DPYSL5: variants seen among roughly 807,000 people sequenced by gnomAD.
DPYSL5 encodes dihydropyrimidinase-related protein 5.
DPYSL5 carries 9 observed loss-of-function variants against 58.4 expected under a neutral mutation model. The ratio of observed to expected loss-of-function variants is 0.15; its 90% CI spans 0.09 to 0.27. The LOEUF is 0.27. Ranked by LOEUF, DPYSL5 falls within the 10% of genes least tolerant of loss-of-function variation. The pLI, the probability that DPYSL5 is intolerant of heterozygous loss-of-function variation, is 1.00. For synonymous variants in DPYSL5, 293 were observed against 301.9 expected (o/e 0.97, Z 0.31); for missense variants, 499 against 770.6 (o/e 0.65, Z 4.17).
intron 1 of DPYSL5, among the ~76,000 whole-genome samples, chr2:26,891,283 A>G (rs1475114718): frequency 6.6e-6 from 1 of 152,198 alleles, no homozygotes; most frequent in East Asian, 1.9e-4. Context: ...AGTTAGCATT[A>G]TTAATAGAGT....
rs1368557429 is a variant in DPYSL5 at position 26,925,939 on chromosome 2, C to CA, written c.420+899dup. On this transcript the variant is annotated intron_variant, in intron 3 of 12. Transcript: ENST00000288699. The surrounding 1 kb of genome is among the most constrained non-coding windows in gnomAD (Gnocchi z 4.5). ...CAGGAACTGCCTCTTCATTTTCCGT[C>CA]AAAAACCCACTTGTAACTGCTGCTA... is the stretch of plus-strand genomic sequence containing the variant. Among the ~76,000 whole-genome samples the CA allele has an allele frequency of 1.3e-5, 2 of 152,208 alleles. No homozygotes were observed. Among genetic ancestry groups the CA allele is most frequent in the Admixed American group, 1.3e-4 (2 of 15,282 alleles).
chr2:26,869,827 C>T (rs1274314454), intron 1 of DPYSL5, among the ~76,000 whole-genome samples: 13 of 151,962 alleles, frequency 8.6e-5, no homozygotes, highest in South Asian at 2.1e-4. Flanking sequence ...CTGGCTAACA[C>T]GGTGAAATGC....
At chr2:26,895,605 T>C (rs1663991171) in intron 1 of DPYSL5, among the ~76,000 whole-genome samples, 1 of 152,058 alleles carries the variant, frequency 6.6e-6, no homozygotes, top group Non-Finnish European at 1.5e-5. Flanking sequence ...ACTCAAAGCA[T>C]TTTTCAAGAA....
chr2:26,910,354 G>A (rs1197304827), intron 2 of DPYSL5, among the ~76,000 whole-genome samples: 2 of 152,082 alleles, frequency 1.3e-5, no homozygotes, highest in Non-Finnish European at 2.9e-5. Context: ...CCCATCAGTA[G>A]TGACTCCATA....
chr2:26,928,691 A>G (rs959512084), intron 5 of DPYSL5, among the ~76,000 whole-genome samples: 5 of 63,922 alleles, frequency 7.8e-5, no homozygotes, highest in Admixed American at 1.5e-4. Flanking sequence ...GATAGAGTAT[A>G]TATATATATA....
In DPYSL5 at chr2:26,928,313, G is replaced by A. The variant is rs147057600; in HGVS notation, c.659G>A (p.Arg220His). Residue 220 changes from arginine to histidine, a missense_variant, in exon 5 of 13, where the codon CGT (arginine) becomes CAT (histidine). By Grantham distance (29) the Arg-to-His change is conservative. Coordinates refer to ENST00000288699, the MANE Select transcript of DPYSL5 (RefSeq NM_020134.4). ...GGCCCAGAAGGAATCGAGATCAGCCGTCCAGAGGAGGTGAGAAACACTTCC... is the reference window on the plus strand; with the variant it reads ...GGCCCAGAAGGAATCGAGATCAGCCATCCAGAGGAGGTGAGAAACACTTCC... ...ITGPEGIEISRPEELEAEATH... is the reference protein window; with the variant it reads ...ITGPEGIEISHPEELEAEATH... 4.9e-5 allele frequency: 79 copies of A among 1,613,838 alleles called. No homozygotes were observed. The highest frequency in any genetic ancestry group is 1.7e-4 in the Middle Eastern group (1 of 6,060).
At position 26,898,484 on chromosome 2, in the gene DPYSL5, A is replaced by G. The variant is rs565169559; in HGVS notation, c.-4-12A>G. 13 of 1,611,914 alleles carry G rather than the reference A, an allele frequency of 8.1e-6. 1 individual carries two copies. In the Admixed American group the frequency reaches 1.8e-4, roughly 23 times the overall value. ...AGGGACTTTGACCTTGACCATGCTC[A>G]CCTTCTTGTAGGAACATGCTTGCCA... On this transcript the variant is annotated splice_polypyrimidine_tract_variant and intron_variant, in intron 1 of 12. Transcript: ENST00000288699. The surrounding 1 kb of genome is among the most constrained non-coding windows in gnomAD (Gnocchi z 6.1).
intron 1 of DPYSL5, among the ~76,000 whole-genome samples, chr2:26,887,250 T>C (rs1233711364): frequency 2.6e-5 from 4 of 152,274 alleles, no homozygotes; most frequent in Non-Finnish European, 5.9e-5. Flanking sequence ...AGGAAATGCA[T>C]GTCTGAAACC....
chr2:26,919,262 A>G (rs968468351), intron 2 of DPYSL5, among the ~76,000 whole-genome samples: 4 of 152,234 alleles, frequency 2.6e-5, no homozygotes, highest in African/African-American at 7.2e-5. Flanking sequence ...GATGGTGTTT[A>G]TAAAAGGTTT....
rs138183270 is a variant in DPYSL5, at chr2:26,876,139, A to G, written c.-4-22357A>G. On this transcript the variant is annotated intron_variant, in intron 1 of 12. Transcript: ENST00000288699. ...ATTTGCTTCATGTTTCCATTCATTC[A>G]TCAAAGGAAGGTAGCAGCCAAGTAG... Among the ~76,000 whole-genome samples the G allele has an allele frequency of 4.5e-4, 68 of 152,316 alleles. No individual in the cohort carries two copies. In the East Asian group the frequency reaches 6.0e-3, roughly 13 times the overall value.
intron 1 of DPYSL5, among the ~76,000 whole-genome samples, chr2:26,897,780 G>A (rs1273588928): frequency 6.6e-6 from 1 of 152,140 alleles, no homozygotes; most frequent in Non-Finnish European, 1.5e-5. Context: ...AACTGTTGAT[G>A]CTGTGGACCC....
intron 1 of DPYSL5, among the ~76,000 whole-genome samples, chr2:26,854,416 A>G (rs769699683): frequency 6.6e-6 from 1 of 152,174 alleles, no homozygotes; most frequent in Non-Finnish European, 1.5e-5. Flanking sequence ...CCAAGATCAC[A>G]CCATTGCACT....
At chr2:26,879,154 C>T (rs550545638) in intron 1 of DPYSL5, among the ~76,000 whole-genome samples, 9 of 152,074 alleles carry the variant, frequency 5.9e-5, no homozygotes, top group South Asian at 2.1e-4. Flanking sequence ...GTGTGGAGGC[C>T]GGGGACCAAC....
chr2:26,853,678 G>C (rs1195090057), intron 1 of DPYSL5, among the ~76,000 whole-genome samples: 1 of 152,192 alleles, frequency 6.6e-6, no homozygotes, highest in East Asian at 1.9e-4. Flanking sequence ...CTGTAGGGAA[G>C]GCTGGCAGAC....
intron 2 of DPYSL5, among the ~76,000 whole-genome samples, chr2:26,899,003 C>T (rs1355526074): frequency 6.6e-6 from 1 of 152,130 alleles, no homozygotes; most frequent in Non-Finnish European, 1.5e-5. Flanking sequence ...ACCCAAGTAC[C>T]CAGGCTGAGA....
intron 1 of DPYSL5, among the ~76,000 whole-genome samples, chr2:26,879,460 GAAAAAAAAAA>G (rs748100269): frequency 1.3e-5 from 1 of 74,362 alleles, no homozygotes; most frequent in East Asian, 4.1e-4. Flanking sequence ...ATCTCTATTT[GAAAAAAAAAA>G]AAAAAAAAAA....
intron 3 of DPYSL5, among the ~76,000 whole-genome samples, chr2:26,926,111 C>T (rs1162326537): frequency 6.6e-6 from 1 of 152,188 alleles, no homozygotes; most frequent in East Asian, 1.9e-4. Context: ...GTATAAAGGG[C>T]CTAACACCCT....
chr2:26,850,777 C>T (rs6719665), intron 1 of DPYSL5, among the ~76,000 whole-genome samples: 12,298 of 152,090 alleles, frequency 0.081, 1,371 homozygotes, highest in African/African-American at 0.25. Context: ...AAGTGAAGGC[C>T]TCTTGTCTGA....
At position 26,933,427 on chromosome 2, in the gene DPYSL5, C is replaced by A; in HGVS notation, c.790+94C>A. 1 of 1,226,500 alleles carries A rather than the reference C, an allele frequency of 8.2e-7. No homozygotes were observed. The highest frequency in any genetic ancestry group is 1.2e-6 in the Non-Finnish European group (1 of 845,762). The allele number at this position is 1,226,500 out of a possible 1,614,324, so 76.0% of individuals were successfully genotyped here. On this transcript the variant is annotated intron_variant, in intron 7 of 12. Transcript: ENST00000288699. This position sits in a 1 kb window ranked among gnomAD's most constrained non-coding sequence, Gnocchi z 4.2. ...GCCGTGCTCACTCCTGGCCCCGGCT[C>A]CTGAAACCAGGACCTGAGCCAGCCC...
Sources: gnomAD v4.1 joint callset for allele counts (sites outside exome capture counted in the v4.1 genomes callset) on GRCh38, gnomAD v4.1.1 for gene constraint, Gnocchi (gnomAD v3.1) non-coding constraint, MANE v1.5 for transcripts, NCBI Gene and HGNC (gene_info 2026-07-23, HGNC 2026-07-21) for gene names.